Variants in MTUS1 observed in about 807,000 individuals in gnomAD.
The protein encoded by MTUS1 is microtubule-associated tumor suppressor 1.
MTUS1 carries 109 observed loss-of-function variants against 120.8 expected under a neutral mutation model. The observed-to-expected ratio is 0.90, with a 90% confidence interval of 0.77 to 1.06. The LOEUF is 1.06. MTUS1 is among the 50% of genes least tolerant of loss of function. MTUS1 has a pLI of 0.00. For synonymous variants in MTUS1, 737 were observed against 550.5 expected, an observed-to-expected ratio of 1.34 and a Z score of -4.74; for missense variants, 2,210 against 1,486.3, an observed-to-expected ratio of 1.49 and a Z score of -8.01.
intron 6 of MTUS1, among the ~76,000 whole-genome samples, chr8:17,688,335 C>A (rs1816261754): frequency 6.6e-6 from 1 of 152,210 alleles, no homozygotes; most frequent in Non-Finnish European, 1.5e-5. Context: ...CTCAGAGAGG[C>A]ACAAAGACAC....
At chr8:17,768,169 G>A (rs543787305) in intron 1 of MTUS1, among the ~76,000 whole-genome samples, 1 of 152,344 alleles carries the variant, frequency 6.6e-6, no homozygotes, top group East Asian at 1.9e-4. Context: ...TATAAATAAT[G>A]TATCACATTC....
At chr8:17,659,978 C>T (rs1292465833) in intron 8 of MTUS1, among the ~76,000 whole-genome samples, 1 of 152,132 alleles carries the variant, frequency 6.6e-6, no homozygotes, top group African/African-American at 2.4e-5. Flanking sequence ...TCAAATAGTA[C>T]TTGTCCTGTT....
At chr8:17,732,930 A>C (rs2131187927) in intron 3 of MTUS1, among the ~76,000 whole-genome samples, 1 of 152,234 alleles carries the variant, frequency 6.6e-6, no homozygotes, top group East Asian at 1.9e-4. Context: ...CGACCCCCGC[A>C]AGCTGATCTC....
chr8:17,667,449 A>G (rs1351610016), intron 8 of MTUS1, among the ~76,000 whole-genome samples: 1 of 152,266 alleles, frequency 6.6e-6, no homozygotes, highest in Non-Finnish European at 1.5e-5. Context: ...AAAACGGAAC[A>G]GTGAATGAAT....
chr8:17,654,959 G>C (rs191674450), intron 9 of MTUS1: 1 of 336,144 alleles, frequency 3.0e-6, no homozygotes, highest in African/African-American at 2.1e-5. Flanking sequence ...GAAGAGCAAC[G>C]CAACTGGGAT....
intron 1 of MTUS1, among the ~76,000 whole-genome samples, chr8:17,766,028 C>A (rs1468511825): frequency 1.3e-5 from 2 of 152,036 alleles, no homozygotes; most frequent in African/African-American, 4.8e-5. Flanking sequence ...AATTAAGAGA[C>A]CTTTATGCTA....
At chr8:17,688,678 C>T (rs566759830) in intron 6 of MTUS1, among the ~76,000 whole-genome samples, 1 of 152,148 alleles carries the variant, frequency 6.6e-6, no homozygotes, top group South Asian at 2.1e-4. Context: ...GCTTATCCTG[C>T]CTATGCAATC....
At chr8:17,801,207 C>G (rs2052656780), upstream of MTUS1, 1 of 151,828 alleles carries the variant, frequency 6.6e-6, no homozygotes, top group South Asian at 2.1e-4. Flanking sequence ...GCGGCACCAC[C>G]CCACGCCTGC....
intron 1 of MTUS1, among the ~76,000 whole-genome samples, chr8:17,757,906 G>C (rs908963576): frequency 6.6e-6 from 1 of 152,126 alleles, no homozygotes; most frequent in Non-Finnish European, 1.5e-5. Flanking sequence ...GTTCAAGCTA[G>C]GACTGCAAAC....
intron 1 of MTUS1, among the ~76,000 whole-genome samples, chr8:17,756,545 A>G (rs1291845307): frequency 2.0e-5 from 3 of 151,848 alleles, no homozygotes; most frequent in Admixed American, 6.6e-5. Flanking sequence ...ATTGAAGGGG[A>G]AAAAAAAATT....
At chr8:17,720,588 C>G (rs2045759855) in intron 4 of MTUS1, among the ~76,000 whole-genome samples, 1 of 152,094 alleles carries the variant, frequency 6.6e-6, no homozygotes, top group African/African-American at 2.4e-5. Flanking sequence ...GTTTTGTGGC[C>G]AAAGTGGAAG....
chr8:17,701,901 G>C (rs1022681159), intron 6 of MTUS1, among the ~76,000 whole-genome samples: 1 of 151,978 alleles, frequency 6.6e-6, no homozygotes, highest in Non-Finnish European at 1.5e-5. Context: ...TCTCCAATTT[G>C]TTTTTAAACT....
intron 1 of MTUS1, among the ~76,000 whole-genome samples, chr8:17,782,859 C>A (rs1351043381): frequency 6.6e-6 from 1 of 152,168 alleles, no homozygotes; most frequent in East Asian, 1.9e-4. Flanking sequence ...GGGTGGATCA[C>A]CTGAAGTCAG....
At chr8:17,653,616 C>A in intron 10 of MTUS1, 118 bp from the exon 11 acceptor site, 1 of 712,146 alleles carries the variant, frequency 1.4e-6, no homozygotes, top group East Asian at 2.8e-5. Flanking sequence ...CGTTACTTTA[C>A]ATCTATAGTA....
intron 7 of MTUS1, among the ~76,000 whole-genome samples, chr8:17,676,914 G>T (rs1029866595): frequency 1.3e-5 from 2 of 152,188 alleles, no homozygotes; most frequent in Admixed American, 6.5e-5. Flanking sequence ...TGATCTGAGA[G>T]TTGGAGATCC....
At chr8:17,747,264 CTCA>C (rs1408660585) in intron 2 of MTUS1, among the ~76,000 whole-genome samples, 1 of 152,168 alleles carries the variant, frequency 6.6e-6, no homozygotes, top group African/African-American at 2.4e-5. Flanking sequence ...AGAAAATCTT[CTCA>C]TATTTCTTCA....
At chr8:17,702,068 T>A (rs1279837398) in intron 6 of MTUS1, among the ~76,000 whole-genome samples, 1 of 152,178 alleles carries the variant, frequency 6.6e-6, no homozygotes, top group Non-Finnish European at 1.5e-5. Context: ...TGTTTCCAAT[T>A]TTCCCCCATT....
At chr8:17,681,906 T>C (rs528928818) in intron 7 of MTUS1, among the ~76,000 whole-genome samples, 1 of 152,248 alleles carries the variant, frequency 6.6e-6, no homozygotes, top group East Asian at 1.9e-4. Flanking sequence ...CAAATATATA[T>C]ATAAAATAAT....
chr8:17,718,542 C>T (rs1383304803), intron 4 of MTUS1, among the ~76,000 whole-genome samples: 2 of 152,104 alleles, frequency 1.3e-5, no homozygotes, highest in Admixed American at 1.3e-4. Context: ...CCCACTGAGG[C>T]TGGATGCATC....
Sources: gnomAD v4.1 joint callset for allele counts (sites outside exome capture counted in the v4.1 genomes callset) on GRCh38, gnomAD v4.1.1 for gene constraint, MANE v1.5 for transcripts, NCBI Gene and HGNC (gene_info 2026-07-23, HGNC 2026-07-21) for gene names.